The following AGBL1 variants were observed in gnomAD, a reference collection of about 807,000 sequenced individuals.
AGBL1 encodes AGBL carboxypeptidase 1, also known as cytosolic carboxypeptidase 4.
A neutral mutation model predicts 118.9 loss-of-function variants in AGBL1; 130 were observed. That is an observed-to-expected ratio of 1.09 (90% CI 0.95 to 1.26). The LOEUF (loss-of-function observed/expected upper bound fraction) is 1.26. Among genes scored for constraint, AGBL1 ranks in the 50% most tolerant of loss-of-function variants. AGBL1 has a pLI of 0.00. For synonymous variants in AGBL1, 555 were observed against 478.9 expected, an observed-to-expected ratio of 1.16 and a Z score of -2.08; for missense variants, 1,584 against 1,298.1, an observed-to-expected ratio of 1.22 and a Z score of -3.38.
intron 18 of AGBL1, among the ~76,000 whole-genome samples, chr15:86,415,728 A>T (rs1406270944): frequency 6.6e-6 from 1 of 152,098 alleles, no homozygotes; most frequent in South Asian, 2.1e-4. Flanking sequence ...TGTGTAGTTG[A>T]TCTAAATGGA....
At chr15:86,786,077 A>AT (rs959719736) in intron 22 of AGBL1, among the ~76,000 whole-genome samples, 9 of 151,840 alleles carry the variant, frequency 5.9e-5, no homozygotes, top group African/African-American at 1.5e-4. Flanking sequence ...GGTTTTCTGG[A>AT]TTTTTTTTGA....
chr15:86,690,834 T>G (rs535670446), intron 22 of AGBL1, among the ~76,000 whole-genome samples: 2 of 152,236 alleles, frequency 1.3e-5, no homozygotes, highest in East Asian at 3.9e-4. Flanking sequence ...GTTAGTCTCT[T>G]GAAGGGAAGT....
At chr15:86,249,898 T>C (rs2078782946) in intron 7 of AGBL1, among the ~76,000 whole-genome samples, 1 of 152,206 alleles carries the variant, frequency 6.6e-6, no homozygotes, top group Non-Finnish European at 1.5e-5. Context: ...GCACAGGTTC[T>C]TCAAAACAGT....
At chr15:86,596,104 G>A (rs1458279173) in intron 21 of AGBL1, among the ~76,000 whole-genome samples, 3 of 151,950 alleles carry the variant, frequency 2.0e-5, no homozygotes, top group African/African-American at 7.3e-5. Flanking sequence ...TTTGAGACCA[G>A]CCTGGACAAC....
intron 17 of AGBL1, among the ~76,000 whole-genome samples, chr15:86,393,812 T>TG (rs1474170536): frequency 2.0e-5 from 3 of 152,154 alleles, no homozygotes; most frequent in African/African-American, 7.2e-5. Context: ...CCCAAAGTGA[T>TG]GGTGTCAGAA....
intron 16 of AGBL1, among the ~76,000 whole-genome samples, chr15:86,280,246 C>T (rs1385633861): frequency 1.3e-5 from 2 of 152,156 alleles, no homozygotes; most frequent in Non-Finnish European, 2.9e-5. Context: ...GCCACGCCAG[C>T]ATCTCCAGTG....
At chr15:87,020,962 C>G (rs1325603073) in intron 24 of AGBL1, among the ~76,000 whole-genome samples, 2 of 151,998 alleles carry the variant, frequency 1.3e-5, no homozygotes, top group Admixed American at 6.6e-5. Context: ...ATTCAACTAC[C>G]ATTGACATTC....
In AGBL1 at chr15:86,419,081, C is replaced by G. The variant is rs137968233; in HGVS notation, c.2555+21535C>G. Among the ~76,000 whole-genome samples the G allele has an allele frequency of 3.2e-3, 482 of 152,154 alleles. 1 individual carries two copies. Among genetic ancestry groups the G allele is most frequent in the African/African-American group, 0.011 (455 of 41,510 alleles). On this transcript the variant is annotated intron_variant, in intron 18 of 22. Coordinates refer to ENST00000614907, the MANE Select transcript of AGBL1 (RefSeq NM_001386094.1). The stretch of plus-strand genomic sequence containing the variant: ...GTGATATGCTATCAAAGATACATGA[C>G]TAAGATATGTCCTGCATATCTTGGC...
chr15:86,977,146 G>A (rs1404760383), intron 23 of AGBL1, among the ~76,000 whole-genome samples: 1 of 151,694 alleles, frequency 6.6e-6, no homozygotes, highest in Non-Finnish European at 1.5e-5. Flanking sequence ...AAGTTATGAG[G>A]TAACATTTTC....
chr15:86,950,043 CA>C (rs1202717884), intron 23 of AGBL1, among the ~76,000 whole-genome samples: 1 of 151,734 alleles, frequency 6.6e-6, no homozygotes, highest in Non-Finnish European at 1.5e-5. Flanking sequence ...GTAAATAAGA[CA>C]GGGGTGAAAT....
chr15:86,851,568 C>A (rs2079407436), intron 22 of AGBL1, among the ~76,000 whole-genome samples: 1 of 152,154 alleles, frequency 6.6e-6, no homozygotes, highest in African/African-American at 2.4e-5. Flanking sequence ...ATTATAAGAG[C>A]AAGTTTTTCC....
chr15:86,529,867 A>G (rs1463060503), intron 19 of AGBL1, among the ~76,000 whole-genome samples: 2 of 144,496 alleles, frequency 1.4e-5, no homozygotes, highest in Non-Finnish European at 3.0e-5. Flanking sequence ...TAAGCTTCAT[A>G]AGTGAAGGAG....
intron 16 of AGBL1, among the ~76,000 whole-genome samples, chr15:86,286,195 T>C (rs1744840273): frequency 6.6e-6 from 1 of 152,174 alleles, no homozygotes; most frequent in Admixed American, 6.5e-5. Context: ...AAATAATACT[T>C]GCTTATATTT....
At chr15:86,881,275 C>G (rs943157972) in intron 22 of AGBL1, among the ~76,000 whole-genome samples, 1 of 152,004 alleles carries the variant, frequency 6.6e-6, no homozygotes, top group Non-Finnish European at 1.5e-5. Context: ...TTTCTTTTTT[C>G]AAAATTCTTG....
At chr15:86,926,466 T>C (rs965223533) in intron 23 of AGBL1, among the ~76,000 whole-genome samples, 1 of 152,134 alleles carries the variant, frequency 6.6e-6, no homozygotes, top group Non-Finnish European at 1.5e-5. Context: ...TCCATACAAA[T>C]AGGTCATTTT....
chr15:86,583,426 C>T (rs1307952477), intron 21 of AGBL1, among the ~76,000 whole-genome samples: 3 of 152,062 alleles, frequency 2.0e-5, no homozygotes, highest in South Asian at 2.1e-4. Flanking sequence ...TAAGTGAGAA[C>T]ATGCAATATT....
chr15:86,818,048 G>C (rs913463730), intron 22 of AGBL1, among the ~76,000 whole-genome samples: 1 of 152,006 alleles, frequency 6.6e-6, no homozygotes, highest in Non-Finnish European at 1.5e-5. Flanking sequence ...GAAGGAGCAT[G>C]GCCCTGCTAC....
intron 21 of AGBL1, among the ~76,000 whole-genome samples, chr15:86,632,103 A>ATTT (rs141249708): frequency 7.5e-5 from 11 of 146,820 alleles, no homozygotes; most frequent in African/African-American, 2.8e-4. Flanking sequence ...TGTCTCCACA[A>ATTT]TTTTTTTTTT....
At chr15:86,786,409 A>C (rs2078413785) in intron 22 of AGBL1, among the ~76,000 whole-genome samples, 3 of 152,152 alleles carry the variant, frequency 2.0e-5, no homozygotes, top group Admixed American at 6.5e-5. Flanking sequence ...TTGTGCAGTC[A>C]TCAATACGTA....
Sources: allele counts gnomAD v4.1 joint callset (sites outside exome capture counted in the v4.1 genomes callset), GRCh38; gene constraint gnomAD v4.1.1; transcripts MANE v1.5; gene names NCBI Gene and HGNC (gene_info 2026-07-23, HGNC 2026-07-21).